CORO2B: variants seen among roughly 807,000 people sequenced by gnomAD.
The protein encoded by CORO2B is coronin 2B.
Under a neutral mutation model 58.8 loss-of-function variants are expected in CORO2B, and 26 were observed. The ratio of observed to expected loss-of-function variants is 0.44; its 90% confidence interval spans 0.32 to 0.61. The LOEUF (loss-of-function observed/expected upper bound fraction) is 0.61, where lower values mean the gene tolerates loss of function less well. Ranked by LOEUF, CORO2B falls within the 20% of genes least tolerant of loss-of-function variation. The pLI is 0.04. For synonymous variants in CORO2B, 242 were observed against 253.8 expected, an observed-to-expected ratio of 0.95 and a Z score of 0.44; for missense variants, 460 against 645.1, an observed-to-expected ratio of 0.71 and a Z score of 3.11.
At chr15:68,568,456 T>C in the CORO2B span, among the ~76,000 whole-genome samples, 1 of 152,004 alleles carries the variant, frequency 6.6e-6, no homozygotes, top group African/African-American at 2.4e-5. Flanking sequence ...TGTCAGAGGG[T>C]AGAGAAGGGA....
chr15:68,672,103 G>A (rs1286349671), intron 2 of CORO2B, among the ~76,000 whole-genome samples: 2 of 151,004 alleles, frequency 1.3e-5, no homozygotes, highest in Non-Finnish European at 2.9e-5. Flanking sequence ...TGCAGCATGG[G>A]GAAGATTTAT....
At chr15:68,648,274 A>G (rs1811142740) in intron 2 of CORO2B, among the ~76,000 whole-genome samples, 1 of 148,560 alleles carries the variant, frequency 6.7e-6, no homozygotes, top group South Asian at 2.3e-4. Context: ...CAGAGGTTGC[A>G]GTGGGCGAGA....
intron 2 of CORO2B, among the ~76,000 whole-genome samples, chr15:68,686,032 T>C (rs1827621307): frequency 2.0e-5 from 3 of 150,062 alleles, no homozygotes; most frequent in South Asian, 2.1e-4. Flanking sequence ...TTTTTTTTTT[T>C]TTTTTCTTTT....
chr15:68,552,458 A>G, the CORO2B span, among the ~76,000 whole-genome samples: 1 of 32,716 alleles, frequency 3.1e-5, no homozygotes. Flanking sequence ...AGCCATGGCC[A>G]TAGGAGGACG....
chr15:68,631,861 T>A (rs888687422), intron 1 of CORO2B: 1 of 786,036 alleles, frequency 1.3e-6, no homozygotes, highest in Non-Finnish European at 1.5e-6. Flanking sequence ...CCTCCTGAGC[T>A]GCCAGGAGGA....
intron 2 of CORO2B, among the ~76,000 whole-genome samples, chr15:68,664,837 A>C (rs1482840103): frequency 6.6e-6 from 1 of 152,144 alleles, no homozygotes; most frequent in Non-Finnish European, 1.5e-5. Flanking sequence ...TTGTCTGTCC[A>C]TATTCTTCAC....
Position 68,710,312 on chromosome 15 carries a change from A to G in CORO2B, c.334-420A>G, listed in dbSNP as rs56260036. 0.05 allele frequency among the ~76,000 whole-genome samples: 7,656 copies of G among 152,296 alleles called. 569 individuals carry two copies. The highest frequency in any genetic ancestry group is 0.16 in the African/African-American group (6,680 of 41,532). On this transcript the variant is annotated intron_variant, in intron 3 of 11. Coordinates refer to ENST00000261861, the MANE Select transcript of CORO2B (RefSeq NM_006091.5). The surrounding 1 kb of genome is among the most constrained non-coding windows in gnomAD (Gnocchi z 4.1). ...GACACAGTGGGGGATAAGGCCCTGC[A>G]GTCCAAACAGCCAAAGTGGGGCTGA...
At chr15:68,576,230 C>T (rs1028808445), upstream of CORO2B, among the ~76,000 whole-genome samples, 4 of 150,370 alleles carry the variant, frequency 2.7e-5, no homozygotes, top group African/African-American at 7.3e-5. Flanking sequence ...ATGCAGAGGC[C>T]GTGACTGGGC....
intron 2 of CORO2B, among the ~76,000 whole-genome samples, chr15:68,684,213 A>C (rs777154671): frequency 6.6e-6 from 1 of 152,186 alleles, no homozygotes; most frequent in Non-Finnish European, 1.5e-5. Flanking sequence ...AGAGTCTAAA[A>C]ACCCCAGGAG....
At chr15:68,689,552 G>A (rs1470874555) in intron 2 of CORO2B, among the ~76,000 whole-genome samples, 1 of 152,190 alleles carries the variant, frequency 6.6e-6, no homozygotes, top group African/African-American at 2.4e-5. Context: ...ATGTGTTAGT[G>A]TTGGTGTTAG....
At chr15:68,527,207 C>T in the CORO2B span, among the ~76,000 whole-genome samples, 3 of 152,152 alleles carry the variant, frequency 2.0e-5, no homozygotes, top group Non-Finnish European at 2.9e-5. Context: ...AATAGAAAAA[C>T]CAAGTTATGA....
chr15:68,560,111 A>G, the CORO2B span, among the ~76,000 whole-genome samples: 1 of 152,170 alleles, frequency 6.6e-6, no homozygotes, highest in Non-Finnish European at 1.5e-5. Flanking sequence ...GCACCCGTGC[A>G]GTGCTCAGGC....
chr15:68,704,622 C>G (rs1755003315), intron 3 of CORO2B, among the ~76,000 whole-genome samples: 1 of 152,136 alleles, frequency 6.6e-6, no homozygotes. Context: ...AGCTGCCTTG[C>G]CTTTGCCTTG....
At chr15:68,606,911 A>G (rs1056693670) in intron 1 of CORO2B, among the ~76,000 whole-genome samples, 3 of 152,182 alleles carry the variant, frequency 2.0e-5, no homozygotes, top group Non-Finnish European at 4.4e-5. Context: ...TATATCCTCC[A>G]TTGACTGTGG....
At chr15:68,626,997 T>C (rs114869359) in intron 1 of CORO2B, among the ~76,000 whole-genome samples, 2 of 152,330 alleles carry the variant, frequency 1.3e-5, no homozygotes, top group African/African-American at 4.8e-5. Flanking sequence ...GCAAGACTCC[T>C]GGGTTCAGCT....
intron 1 of CORO2B, among the ~76,000 whole-genome samples, chr15:68,606,853 G>A (rs914721847): frequency 7.9e-5 from 12 of 152,098 alleles, no homozygotes; most frequent in Admixed American, 6.6e-4. Flanking sequence ...AAGACATTAC[G>A]GGACCCCTGG....
intron 11 of CORO2B, among the ~76,000 whole-genome samples, chr15:68,722,605 A>C (rs1457098885): frequency 1.3e-5 from 2 of 152,210 alleles, no homozygotes; most frequent in Non-Finnish European, 2.9e-5. Flanking sequence ...AGTGGACCAA[A>C]AAACAATGCA....
chr15:68,634,128 G>A (rs947503840), intron 1 of CORO2B, among the ~76,000 whole-genome samples: 2 of 152,206 alleles, frequency 1.3e-5, no homozygotes, highest in African/African-American at 2.4e-5. Flanking sequence ...CCAAGAAGCC[G>A]GAGGCCATGA....
rs565489671 is a variant in CORO2B at position 68,645,444 on chromosome 15, A to G, written c.216+84A>G. On this transcript the variant is annotated intron_variant, in intron 2 of 11. Transcript: ENST00000261861. This position sits in a 1 kb window ranked among gnomAD's most constrained non-coding sequence, Gnocchi z 4.5. ...GGTCTCTCTTAGGCCTGTTGACCCT[A>G]CTTCTCTCTGAGTTCCCACCTTTTA... The G allele has an allele frequency of 7.5e-6, 10 of 1,327,456 alleles. No homozygotes were observed. In the South Asian group the frequency reaches 1.3e-4, roughly 17 times the overall value. 82.2% of individuals were successfully genotyped at this position (1,327,456 alleles called of 1,614,324 possible).
Sources: allele counts gnomAD v4.1 joint callset (sites outside exome capture counted in the v4.1 genomes callset), GRCh38; gene constraint gnomAD v4.1.1; non-coding constraint Gnocchi (gnomAD v3.1); transcripts MANE v1.5; gene names NCBI Gene and HGNC (gene_info 2026-07-23, HGNC 2026-07-21).